EPHA5: variants seen among roughly 807,000 people sequenced by gnomAD.
EPHA5 encodes ephrin type-A receptor 5.
EPHA5 carries 60 observed loss-of-function variants against 105.0 expected under a neutral mutation model. The observed-to-expected ratio is 0.57, with a 90% CI of 0.46 to 0.71. The LOEUF (loss-of-function observed/expected upper bound fraction) is 0.71. Among genes scored for constraint, EPHA5 ranks in the 30% least tolerant of loss-of-function variants. The probability of loss-of-function intolerance (pLI) is 0.00; values close to 1 mark genes in which losing one functional copy is unlikely to be tolerated. For missense variants in EPHA5, 1,218 were observed against 1,274.7 expected, an observed-to-expected ratio of 0.96 and a Z score of 0.68; for synonymous variants, 513 against 449.1, an observed-to-expected ratio of 1.14 and a Z score of -1.80.
At chr4:65,405,164 T>C (rs1722241023) in intron 7 of EPHA5, among the ~76,000 whole-genome samples, 1 of 152,192 alleles carries the variant, frequency 6.6e-6, no homozygotes, top group Admixed American at 6.6e-5. Context: ...TGAAACATTT[T>C]AGATTTTAGC....
intron 3 of EPHA5, among the ~76,000 whole-genome samples, chr4:65,588,986 T>C (rs1327831722): frequency 1.3e-5 from 2 of 152,234 alleles, no homozygotes; most frequent in Non-Finnish European, 2.9e-5. Context: ...CTTTTAAATC[T>C]AACTAGCATG....
intron 3 of EPHA5, among the ~76,000 whole-genome samples, chr4:65,567,789 G>A (rs1278205149): frequency 1.3e-5 from 2 of 151,424 alleles, no homozygotes; most frequent in East Asian, 3.9e-4. Context: ...TTTCTACAGT[G>A]GGGAGTTTGG....
At chr4:65,557,259 T>TATATATATATATATATATATATATATATA (rs1560693532) in intron 3 of EPHA5, among the ~76,000 whole-genome samples, 3 of 142,364 alleles carry the variant, frequency 2.1e-5, no homozygotes, top group Non-Finnish European at 3.0e-5. Context: ...TATATATATA[T>TATATATATATATATATATATATATATATA]TCTCACACTT....
chr4:65,419,838 T>A (rs77016828), intron 6 of EPHA5, among the ~76,000 whole-genome samples: 3 of 152,128 alleles, frequency 2.0e-5, no homozygotes, highest in Non-Finnish European at 4.4e-5. Flanking sequence ...ATTACAACCT[T>A]GAGACCTCGA....
chr4:65,614,504 T>A (rs189257487), intron 2 of EPHA5, among the ~76,000 whole-genome samples: 33 of 151,990 alleles, frequency 2.2e-4, no homozygotes, highest in African/African-American at 7.7e-4. Flanking sequence ...CCCTTTATTA[T>A]TCTGTTTGCT....
At position 65,365,966 on chromosome 4, in the gene EPHA5, T is replaced by G; in HGVS notation, c.1953A>C (p.Ala651=). ...TAACTCTCTCAATGGTGATACATGA[T>G]GCTTCTATCTCCTTAGCAAATTCGT... ...AVHEFAKEIE[A]SCITIERVIG... Residue 651 remains alanine (A), a synonymous_variant, in exon 10 of 17, where the codon GCA becomes GCC. Coordinates refer to ENST00000613740, the MANE Select transcript of EPHA5 (RefSeq NM_001281766.3). 6.2e-7 allele frequency: 1 copy of G among 1,609,074 alleles called. No homozygotes were observed. Among genetic ancestry groups the G allele is most frequent in the Non-Finnish European group, 8.5e-7 (1 of 1,176,482 alleles).
chr4:65,464,934 A>C (rs1188505759), intron 5 of EPHA5, among the ~76,000 whole-genome samples: 1 of 152,176 alleles, frequency 6.6e-6, no homozygotes, highest in Non-Finnish European at 1.5e-5. Flanking sequence ...CTAACAATTC[A>C]GTCATTAACA....
chr4:65,577,338 C>G (rs1403137436), intron 3 of EPHA5, among the ~76,000 whole-genome samples: 1 of 152,016 alleles, frequency 6.6e-6, no homozygotes, highest in African/African-American at 2.4e-5. Context: ...TTAATACTTT[C>G]ATCTATGTTT....
chr4:65,606,307 A>T (rs899333011), intron 2 of EPHA5, among the ~76,000 whole-genome samples: 4 of 152,180 alleles, frequency 2.6e-5, no homozygotes, highest in African/African-American at 9.7e-5. Flanking sequence ...TACATTTTAT[A>T]ATGAATGAAT....
chr4:65,439,242 T>G (rs1338005963), intron 5 of EPHA5, among the ~76,000 whole-genome samples: 1 of 152,138 alleles, frequency 6.6e-6, no homozygotes, highest in Non-Finnish European at 1.5e-5. Context: ...TTGAATACAT[T>G]CGTATATATA....
At chr4:65,457,260 A>G (rs1352077114) in intron 5 of EPHA5, among the ~76,000 whole-genome samples, 1 of 152,130 alleles carries the variant, frequency 6.6e-6, no homozygotes, top group Non-Finnish European at 1.5e-5. Context: ...ACAGTCTTCT[A>G]CTTAGGCTTC....
chr4:65,365,121 A>G lies in EPHA5; in HGVS notation c.2069T>C (p.Val690Ala). Reference protein sequence around the residue: ...ELPVAIKTLKVGYTEKQRRDF... With the variant: ...ELPVAIKTLKAGYTEKQRRDF... ...TCTGCGTTGCTTTTCAGTATAGCCT[A>G]CTTTAAGGGTTTTGATAGCCACAGG... The change falls in exon 11 of 17, where the codon GTA (valine) becomes GCA (alanine). Residue 690 changes from valine (V) to alanine (A), a missense_variant. Physicochemically the swap from Val to Ala is moderately conservative, Grantham distance 64 (BLOSUM62 0). Transcript: ENST00000613740. 1 of 1,611,836 alleles carries G rather than the reference A, an allele frequency of 6.2e-7. No homozygotes were observed. The highest frequency in any genetic ancestry group is 8.5e-7 in the Non-Finnish European group (1 of 1,178,474).
At chr4:65,562,717 G>A (rs1431971930) in intron 3 of EPHA5, among the ~76,000 whole-genome samples, 3 of 151,980 alleles carry the variant, frequency 2.0e-5, no homozygotes, top group Non-Finnish European at 2.9e-5. Flanking sequence ...ATTGTATAGA[G>A]CTTCTTCTCA....
intron 3 of EPHA5, chr4:65,574,014 C>T (rs370612334): frequency 6.3e-7 from 1 of 1,599,716 alleles, no homozygotes; most frequent in East Asian, 2.2e-5. Flanking sequence ...CAATCGAGTT[C>T]CTCTATGAAG....
chr4:65,661,375 AG>A (rs1749544571), intron 1 of EPHA5, among the ~76,000 whole-genome samples: 1 of 152,116 alleles, frequency 6.6e-6, no homozygotes, highest in South Asian at 2.1e-4. Flanking sequence ...TGCATGATTA[AG>A]GTAATTTTGT....
At chr4:65,612,346 T>C (rs1310968987) in intron 2 of EPHA5, among the ~76,000 whole-genome samples, 1 of 152,020 alleles carries the variant, frequency 6.6e-6, no homozygotes. Flanking sequence ...CCTTGCCGAG[T>C]TTCCAAAACT....
rs2148896407 is a variant in EPHA5, at chr4:65,367,394, A to T, written c.1824T>A (p.Asp608Glu). 6.2e-7 allele frequency: 1 copy of T among 1,612,186 alleles called. No homozygotes were observed. Among genetic ancestry groups the T allele is most frequent in the Non-Finnish European group, 8.5e-7 (1 of 1,179,268 alleles). ...GAAAATGCATCTTTTCCTCTTCTGGATCTTGTTTTGCTTTGCTGTAGCCAC... is the reference window on the plus strand; with the variant it reads ...GAAAATGCATCTTTTCCTCTTCTGGTTCTTGTTTTGCTTTGCTGTAGCCAC... ...RRCGYSKAKQ[D>E]PEEEKMHFHN... Residue 608 changes from aspartate (D) to glutamate (E), a missense_variant, in exon 9 of 17, where the codon GAT becomes GAA. Asp to Glu is a conservative substitution (Grantham distance 45). Coordinates refer to ENST00000613740, the MANE Select transcript of EPHA5 (RefSeq NM_001281766.3).
intron 11 of EPHA5, 42 bp downstream of exon 11, chr4:65,364,975 T>G: frequency 6.6e-7 from 1 of 1,513,780 alleles, no homozygotes; most frequent in Non-Finnish European, 9.1e-7. Flanking sequence ...AGACAGATAT[T>G]GAGGATATGC....
chr4:65,425,667 A>T (rs1004713572), intron 5 of EPHA5, among the ~76,000 whole-genome samples: 1 of 152,048 alleles, frequency 6.6e-6, no homozygotes, highest in East Asian at 1.9e-4. Flanking sequence ...ATAAAAAATC[A>T]AACTTAGAAA....
Sources: gnomAD v4.1 joint callset for allele counts (sites outside exome capture counted in the v4.1 genomes callset) on GRCh38, gnomAD v4.1.1 for gene constraint, MANE v1.5 for transcripts, NCBI Gene and HGNC (gene_info 2026-07-23, HGNC 2026-07-21) for gene names.